The following ATP6V1C2 variants were observed in gnomAD, a reference collection of about 807,000 sequenced individuals.
ATP6V1C2 encodes ATPase H+ transporting V1 subunit C2.
A neutral mutation model predicts 56.8 loss-of-function variants in ATP6V1C2; 45 were observed. The ratio of observed to expected loss-of-function variants is 0.79; its 90% confidence interval spans 0.62 to 1.02. The LOEUF (loss-of-function observed/expected upper bound fraction) is 1.02, where lower values mean the gene tolerates loss of function less well. ATP6V1C2 is among the 50% of genes least tolerant of loss of function. The pLI is 0.00. For synonymous variants in ATP6V1C2, 220 were observed against 201.3 expected, an observed-to-expected ratio of 1.09 and a Z score of -0.79; for missense variants, 463 against 519.7, an observed-to-expected ratio of 0.89 and a Z score of 1.06.
chr2:10,745,021 A>G (rs1572535139), intron 3 of ATP6V1C2, among the ~76,000 whole-genome samples: 2 of 138,950 alleles, frequency 1.4e-5, no homozygotes, highest in African/African-American at 5.3e-5. Context: ...ATCATTTATT[A>G]CCATTTGTTT....
rs555328878 is a variant in ATP6V1C2, at chr2:10,780,527, G to C, written c.1062-1716G>C. On this transcript the variant is annotated intron_variant, in intron 12 of 13. Transcript: ENST00000272238. The surrounding 1 kb of genome is among the most constrained non-coding windows in gnomAD (Gnocchi z 4.1). Reference sequence around the variant, plus strand: ...CTGTGCACGCCCATCTCAAAAGCCTGTACCGACACGGATGGCAGCATTGGG... The same window carrying C: ...CTGTGCACGCCCATCTCAAAAGCCTCTACCGACACGGATGGCAGCATTGGG... Among the ~76,000 whole-genome samples, 3 of 152,322 alleles carry C rather than the reference G, an allele frequency of 2.0e-5. No homozygotes were observed. The South Asian group carries it at 6.2e-4, about 32-fold the overall frequency.
chr2:10,746,135 A>G (rs566966206), intron 3 of ATP6V1C2, among the ~76,000 whole-genome samples: 1 of 150,780 alleles, frequency 6.6e-6, no homozygotes, highest in South Asian at 2.1e-4. Flanking sequence ...GAGTAGCTGG[A>G]ACTACAGGTG....
chr2:10,742,684 A>T (rs562141608), intron 3 of ATP6V1C2, among the ~76,000 whole-genome samples: 16 of 152,176 alleles, frequency 1.1e-4, no homozygotes, highest in Admixed American at 4.6e-4. Flanking sequence ...CACCGTTGGG[A>T]TAGAAGCCCT....
At chr2:10,750,344 C>A (rs751258724) in intron 3 of ATP6V1C2, among the ~76,000 whole-genome samples, 1 of 152,094 alleles carries the variant, frequency 6.6e-6, no homozygotes, top group Non-Finnish European at 1.5e-5. Flanking sequence ...TGGTGCAATC[C>A]TGTCTCTACC....
intron 10 of ATP6V1C2, among the ~76,000 whole-genome samples, chr2:10,776,415 C>T (rs886697314): frequency 8.5e-5 from 13 of 152,212 alleles, no homozygotes; most frequent in Admixed American, 4.6e-4. Flanking sequence ...GACGAGGAGC[C>T]GAGCTGGAGC....
chr2:10,759,081 C>T (rs1389493437), intron 4 of ATP6V1C2, among the ~76,000 whole-genome samples: 2 of 152,352 alleles, frequency 1.3e-5, no homozygotes, highest in Non-Finnish European at 2.9e-5. Flanking sequence ...ACCAGAGGCA[C>T]ACATTGTTGC....
intron 4 of ATP6V1C2, among the ~76,000 whole-genome samples, chr2:10,754,505 C>T (rs952127866): frequency 3.9e-5 from 6 of 152,114 alleles, no homozygotes; most frequent in South Asian, 2.1e-4. Context: ...TGATTACAGG[C>T]GTGAGCTACC....
intron 10 of ATP6V1C2, among the ~76,000 whole-genome samples, chr2:10,775,300 A>G (rs1664892641): frequency 6.6e-6 from 1 of 152,266 alleles, no homozygotes; most frequent in African/African-American, 2.4e-5. Context: ...CCGGGGGCCC[A>G]CCCAAGCTGG....
At chr2:10,735,258 C>G (rs1004045447) in intron 3 of ATP6V1C2, among the ~76,000 whole-genome samples, 4 of 152,282 alleles carry the variant, frequency 2.6e-5, no homozygotes, top group South Asian at 4.1e-4. Context: ...CTACCTCCCC[C>G]TCCTGGGTTC....
chr2:10,776,639 C>T (rs547368616), intron 10 of ATP6V1C2, among the ~76,000 whole-genome samples: 2 of 152,370 alleles, frequency 1.3e-5, no homozygotes, highest in Admixed American at 6.5e-5. Context: ...GGTCCCAACC[C>T]CCTGCGCAGT....
At chr2:10,753,675 C>T (rs55840256) in intron 3 of ATP6V1C2, among the ~76,000 whole-genome samples, 1,924 of 151,872 alleles carry the variant, frequency 0.013, 33 homozygotes, top group African/African-American at 0.044. Flanking sequence ...GGGACTACGG[C>T]GCCCACCACC....
Position 10,734,992 on chromosome 2 carries a change from G to A in ATP6V1C2, c.197+8423G>A, listed in dbSNP as rs115020524. ...CCCCACTACTCAGGAGGCTGTGGTG[G>A]GAGGATACCCTGAGCCCGAGTGGTT... is the stretch of plus-strand genomic sequence containing the variant. On this transcript the variant is annotated intron_variant, in intron 3 of 13. Coordinates refer to ENST00000272238, the MANE Select transcript of ATP6V1C2 (RefSeq NM_001039362.2). Among the ~76,000 whole-genome samples, 1,070 of 152,234 alleles carry A rather than the reference G, an allele frequency of 7.0e-3. 16 individuals carry two copies. The highest frequency in any genetic ancestry group is 0.025 in the African/African-American group (1,045 of 41,552).
chr2:10,764,153 C>T (rs953579675), intron 4 of ATP6V1C2, among the ~76,000 whole-genome samples, 178 bp from the exon 5 acceptor site: 5 of 152,198 alleles, frequency 3.3e-5, no homozygotes, highest in Non-Finnish European at 7.3e-5. Flanking sequence ...CCCACTGGCT[C>T]ACAGCTCCCC....
intron 4 of ATP6V1C2, among the ~76,000 whole-genome samples, chr2:10,754,566 T>G (rs1470424436): frequency 6.7e-6 from 1 of 148,780 alleles, no homozygotes; most frequent in Non-Finnish European, 1.5e-5. Context: ...TCTTTTCTTT[T>G]CTTTTCTTTT....
intron 4 of ATP6V1C2, among the ~76,000 whole-genome samples, chr2:10,761,072 G>A (rs1663878557): frequency 6.6e-6 from 1 of 152,220 alleles, no homozygotes; most frequent in Non-Finnish European, 1.5e-5. Context: ...AAGGAGTGGA[G>A]TTCAGGCCAG....
intron 4 of ATP6V1C2, among the ~76,000 whole-genome samples, chr2:10,757,712 T>G (rs988308312): frequency 6.6e-6 from 1 of 152,370 alleles, no homozygotes; most frequent in South Asian, 2.1e-4. Context: ...GCTTTGACCT[T>G]GTGGAGTTCA....
intron 3 of ATP6V1C2, among the ~76,000 whole-genome samples, chr2:10,732,660 G>A (rs774147792): frequency 1.3e-5 from 2 of 151,954 alleles, no homozygotes; most frequent in Non-Finnish European, 2.9e-5. Flanking sequence ...TTTAGTGGTA[G>A]TATAGCATAT....
chr2:10,757,305 GC>G (rs1338127650), intron 4 of ATP6V1C2: 1 of 388,922 alleles, frequency 2.6e-6, no homozygotes, highest in East Asian at 3.7e-5. Flanking sequence ...GAGCCACCGC[GC>G]CCGGCCAGAG....
At chr2:10,730,952 C>G (rs1572505535) in intron 3 of ATP6V1C2, among the ~76,000 whole-genome samples, 2 of 151,494 alleles carry the variant, frequency 1.3e-5, no homozygotes, top group South Asian at 4.2e-4. Context: ...TGCGCCCTGC[C>G]AACAATTTTT....
Sources: gnomAD v4.1 joint callset for allele counts (sites outside exome capture counted in the v4.1 genomes callset) on GRCh38, gnomAD v4.1.1 for gene constraint, Gnocchi (gnomAD v3.1) non-coding constraint, MANE v1.5 for transcripts, NCBI Gene and HGNC (gene_info 2026-07-23, HGNC 2026-07-21) for gene names.